ADA2: variants seen among roughly 807,000 people sequenced by gnomAD.
ADA2 encodes the protein adenosine deaminase 2, also known as adenosine deaminase CECR1.
ADA2 carries 29 observed loss-of-function variants against 44.2 expected under a neutral mutation model. The ratio of observed to expected loss-of-function variants is 0.66; its 90% CI spans 0.49 to 0.89. The LOEUF (loss-of-function observed/expected upper bound fraction) is 0.89, where lower values mean the gene tolerates loss of function less well. Ranked by LOEUF, ADA2 falls within the 40% of genes least tolerant of loss-of-function variation. The pLI, the probability that ADA2 is intolerant of heterozygous loss-of-function variation, is 0.00. For synonymous variants in ADA2, 215 were observed against 234.9 expected, an observed-to-expected ratio of 0.92 and a Z score of 0.77; for missense variants, 637 against 644.8, an observed-to-expected ratio of 0.99 and a Z score of 0.13.
At chr22:17,219,332 C>CA (rs554029141) in intron 1 of ADA2, 24 bp downstream of exon 1, 36 of 152,612 alleles carry the variant, frequency 2.4e-4, no homozygotes, top group African/African-American at 7.2e-4. Flanking sequence ...CATCATCCCA[C>CA]AGCTCCCAAA....
At chr22:17,209,790 C>T (rs1048288944) in intron 1 of ADA2, 67 bp from the exon 2 acceptor site, 12 of 805,172 alleles carry the variant, frequency 1.5e-5, no homozygotes, top group African/African-American at 1.0e-4. Flanking sequence ...TTCCTTTTCT[C>T]GCCCTGCTCT....
At position 17,199,832 on chromosome 22, in the gene ADA2, A is replaced by AAT. The variant is rs1307253547; in HGVS notation, c.753+3730_753+3731insAT. ...CATGGCTCGCGTCTGTAATCCTAGT[A>AAT]CTTTGGGAGGCCGACGTGGGTGTAT... On this transcript the variant is annotated intron_variant, in intron 4 of 9. Transcript: ENST00000399837. 15,775 of 1,225,734 alleles carry AAT rather than the reference A, an allele frequency of 0.013. 1,565 individuals carry two copies. In the African/African-American group the frequency reaches 0.22, roughly 17 times the overall value. The allele number at this position is 1,225,734 out of a possible 1,614,324, so 75.9% of individuals were successfully genotyped here. A position where few individuals can be genotyped will look rare whatever the true frequency, so the allele number is the denominator to read the frequency against.
intron 4 of ADA2, among the ~76,000 whole-genome samples, chr22:17,197,201 TACA>T (rs2123678207): frequency 6.6e-6 from 1 of 152,274 alleles, no homozygotes; most frequent in African/African-American, 2.4e-5. Flanking sequence ...GTAAAGGTCA[TACA>T]ACTGGTTTGT....
chr22:17,191,189 G>A (rs1425476448), intron 5 of ADA2, among the ~76,000 whole-genome samples: 1 of 152,182 alleles, frequency 6.6e-6, no homozygotes, highest in Non-Finnish European at 1.5e-5. Flanking sequence ...GAAAAAGAGT[G>A]GGTCTTTCAC....
chr22:17,200,119 C>T (rs1306309573), intron 4 of ADA2, among the ~76,000 whole-genome samples: 10 of 152,010 alleles, frequency 6.6e-5, no homozygotes, highest in East Asian at 5.8e-4. Flanking sequence ...CACTTGAATC[C>T]GGGAGGCGGA....
chr22:17,218,752 T>C (rs5748959), intron 1 of ADA2, among the ~76,000 whole-genome samples: 62,985 of 152,112 alleles, frequency 0.41, 13,665 homozygotes, highest in East Asian at 0.76. Flanking sequence ...AAAACAATCC[T>C]TATTCACAAT....
At chr22:17,185,461 A>G (rs1463300345) in intron 7 of ADA2, among the ~76,000 whole-genome samples, 3 of 151,938 alleles carry the variant, frequency 2.0e-5, no homozygotes, top group African/African-American at 7.3e-5. Flanking sequence ...AAATAAAAAT[A>G]AGGACATTAC....
At chr22:17,192,533 A>G (rs1442300584) in intron 4 of ADA2, among the ~76,000 whole-genome samples, 2 of 151,940 alleles carry the variant, frequency 1.3e-5, no homozygotes, top group African/African-American at 4.8e-5. Context: ...AAGCTAAGGG[A>G]AGGGAGGTGT....
intron 8 of ADA2, among the ~76,000 whole-genome samples, chr22:17,182,350 C>CA (rs2061981915): frequency 6.6e-6 from 1 of 152,140 alleles, no homozygotes; most frequent in South Asian, 2.1e-4. Context: ...GGCCTCCCCC[C>CA]ATGTCCTTTT....
At chr22:17,187,601 C>T (rs5748934) in intron 7 of ADA2, among the ~76,000 whole-genome samples, 39,002 of 149,654 alleles carry the variant, frequency 0.26, 5,509 homozygotes, top group East Asian at 0.59. Flanking sequence ...CAGCCTAAAA[C>T]GAATTTTTAT....
At chr22:17,194,077 C>G (rs1233620892) in intron 4 of ADA2, among the ~76,000 whole-genome samples, 1 of 151,416 alleles carries the variant, frequency 6.6e-6, no homozygotes, top group Non-Finnish European at 1.5e-5. Flanking sequence ...CATGACCTCT[C>G]AAAAGAAGAA....
rs776302859 is a variant in ADA2, at chr22:17,182,697, G to A, written c.1146C>T (p.Ile382=). The A allele has an allele frequency of 8.7e-6, 14 of 1,613,920 alleles. 1 individual carries two copies. In the Middle Eastern group the frequency reaches 5.0e-4, roughly 57 times the overall value. The change falls in exon 8 of 10, where the codon ATC becomes ATT. Residue 382 remains isoleucine, a synonymous_variant. Transcript: ENST00000399837. Reference sequence around the variant, plus strand: ...GTTTGCTCAAAGCAAATCCATGGCCGATTCTGGTAGTGTTCAGCATCAGAG... The same window carrying A: ...GTTTGCTCAAAGCAAATCCATGGCCAATTCTGGTAGTGTTCAGCATCAGAG... ...LDALMLNTTR[I]GHGFALSKHP...
At chr22:17,217,164 T>A (rs2062481570) in intron 1 of ADA2, among the ~76,000 whole-genome samples, 1 of 148,138 alleles carries the variant, frequency 6.8e-6, no homozygotes, top group East Asian at 2.0e-4. Context: ...TAAAGCAAAA[T>A]AGGAGAAAAG....
At chr22:17,204,624 A>G (rs2123702565) in intron 3 of ADA2, among the ~76,000 whole-genome samples, 1 of 151,730 alleles carries the variant, frequency 6.6e-6, no homozygotes, top group Middle Eastern at 3.4e-3. Context: ...AAAAAAAAGA[A>G]GAAGAAGAAG....
At chr22:17,189,863 G>T in intron 6 of ADA2, 79 bp downstream of exon 6, 2 of 1,027,628 alleles carry the variant, frequency 1.9e-6, no homozygotes, top group African/African-American at 1.6e-5. Context: ...TCCCTTCCCA[G>T]GGAGTTGCCG....
rs538080085 is a variant in ADA2, at chr22:17,219,276, G to A, written c.-47+80C>T. 2.0e-5 allele frequency: 3 copies of A among 152,452 alleles called. No individual in the cohort carries two copies. The South Asian group carries it at 6.2e-4, about 32-fold the overall frequency. 9.4% of individuals were successfully genotyped at this position (152,452 alleles called of 1,614,324 possible). ...CAGATGGAGACAGGGAGAGGTGCAG[G>A]TGGATCAAGCCCAAGCTCCGGACTT... On this transcript the variant is annotated intron_variant, in intron 1 of 9. Coordinates refer to ENST00000399837, the MANE Select transcript of ADA2 (RefSeq NM_001282225.2).
At chr22:17,199,582 C>T in intron 4 of ADA2, 1 of 1,614,114 alleles carries the variant, frequency 6.2e-7, no homozygotes, top group South Asian at 1.1e-5. Flanking sequence ...AATCCATCTC[C>T]CCTCCGGAAA....
At chr22:17,193,251 C>G (rs1331876583) in intron 4 of ADA2, 3 of 899,030 alleles carry the variant, frequency 3.3e-6, no homozygotes, top group Non-Finnish European at 5.4e-6. Context: ...AAAGAGCTGC[C>G]CAGCTGGTCA....
intron 2 of ADA2, among the ~76,000 whole-genome samples, chr22:17,208,558 T>TC (rs2062380987): frequency 6.6e-6 from 1 of 151,950 alleles, no homozygotes; most frequent in African/African-American, 2.4e-5. Flanking sequence ...ATCCCAGCAC[T>TC]TTGGGAGGCC....
Sources: allele counts gnomAD v4.1 joint callset (sites outside exome capture counted in the v4.1 genomes callset), GRCh38; gene constraint gnomAD v4.1.1; transcripts MANE v1.5; gene names NCBI Gene and HGNC (gene_info 2026-07-23, HGNC 2026-07-21).